The following DLGAP1 variants were observed in gnomAD, a reference collection of about 807,000 sequenced individuals.
DLGAP1 encodes the protein disks large-associated protein 1.
In DLGAP1, 11 loss-of-function variants were observed where a neutral mutation model predicts 90.8. The observed-to-expected ratio is 0.12, with a 90% confidence interval of 0.08 to 0.20. The LOEUF (loss-of-function observed/expected upper bound fraction) is 0.20. Ranked by LOEUF, DLGAP1 falls within the 10% of genes least tolerant of loss-of-function variation. The pLI, the probability that DLGAP1 is intolerant of heterozygous loss-of-function variation, is 1.00. For missense variants in DLGAP1, 1,050 were observed against 1,333.8 expected, an observed-to-expected ratio of 0.79 and a Z score of 3.31; for synonymous variants, 558 against 540.7, an observed-to-expected ratio of 1.03 and a Z score of -0.44.
chr18:4,097,252 G>A (rs2075698368), intron 2 of DLGAP1, among the ~76,000 whole-genome samples: 1 of 152,214 alleles, frequency 6.6e-6, no homozygotes, highest in Non-Finnish European at 1.5e-5. Context: ...GTGGGGATCT[G>A]ATTGTTTCCT....
At chr18:3,971,827 A>G (rs560726612) in intron 3 of DLGAP1, among the ~76,000 whole-genome samples, 2 of 152,290 alleles carry the variant, frequency 1.3e-5, no homozygotes, top group East Asian at 1.9e-4. Context: ...TCATTAAGCA[A>G]TCCATGGAGT....
At chr18:3,861,669 AG>A (rs1429944833) in intron 4 of DLGAP1, among the ~76,000 whole-genome samples, 1 of 152,134 alleles carries the variant, frequency 6.6e-6, no homozygotes, top group African/African-American at 2.4e-5. Flanking sequence ...CCCCATCCAA[AG>A]GTCTTTTTGA....
chr18:4,438,418 C>T (rs976424262), intron 1 of DLGAP1, among the ~76,000 whole-genome samples: 1 of 107,440 alleles, frequency 9.3e-6, no homozygotes, highest in Admixed American at 1.5e-4. Context: ...GGTGACAGAG[C>T]GAGACTCCAT....
In DLGAP1 at chr18:3,979,102, G is replaced by A. The variant is rs143866062; in HGVS notation, c.-73+26014C>T. On this transcript the variant is annotated intron_variant, in intron 3 of 12. Transcript: ENST00000315677. The stretch of plus-strand genomic sequence containing the variant: ...TTGCACAACATGGATGAACTTGGAT[G>A]ACATTATGCTAAATGAAATAAGCCA... Among the ~76,000 whole-genome samples the A allele has an allele frequency of 3.0e-3, 456 of 152,312 alleles. 2 individuals are homozygous for A. Among genetic ancestry groups the A allele is most frequent in the African/African-American group, 0.01 (426 of 41,556 alleles).
intron 1 of DLGAP1, among the ~76,000 whole-genome samples, chr18:4,277,362 G>A (rs1309785370): frequency 6.6e-6 from 1 of 152,194 alleles, no homozygotes; most frequent in Non-Finnish European, 1.5e-5. Flanking sequence ...ATGTGTGTGT[G>A]TGTGTAAGCT....
chr18:3,551,947 T>G (rs569736664), intron 9 of DLGAP1, among the ~76,000 whole-genome samples: 1 of 148,254 alleles, frequency 6.7e-6, no homozygotes, highest in East Asian at 2.0e-4. Context: ...CTTGGCTAAT[T>G]TATTTTTAAA....
chr18:4,121,333 G>C (rs2076149993), intron 2 of DLGAP1, among the ~76,000 whole-genome samples: 1 of 152,060 alleles, frequency 6.6e-6, no homozygotes, highest in Admixed American at 6.5e-5. Flanking sequence ...AGGATGAAGG[G>C]ACAAAGCATC....
At chr18:3,641,344 C>T (rs1297064206) in intron 7 of DLGAP1, among the ~76,000 whole-genome samples, 1 of 151,760 alleles carries the variant, frequency 6.6e-6, no homozygotes, top group African/African-American at 2.4e-5. Flanking sequence ...GGCTGGGAGC[C>T]TGACCAACAT....
intron 3 of DLGAP1, among the ~76,000 whole-genome samples, chr18:3,911,498 G>A (rs1177017462): frequency 6.6e-6 from 1 of 152,086 alleles, no homozygotes; most frequent in Non-Finnish European, 1.5e-5. Flanking sequence ...GTCAGTAGAT[G>A]GATTAGAACA....
At position 4,005,107 on chromosome 18, in the gene DLGAP1, A is replaced by G. The variant is rs2074276116; in HGVS notation, c.-73+9T>C. On this transcript the variant is annotated intron_variant, in intron 3 of 12. Transcript: ENST00000315677. ...ATTCTTCCCTTACTGCTTCCCAACC[A>G]TGACTTACTGTTCTTAGCGCCGTTG... The G allele has an allele frequency of 6.6e-6, 1 of 152,154 alleles. No individual in the cohort carries two copies. 9.4% of individuals were successfully genotyped at this position (152,154 alleles called of 1,614,324 possible).
At chr18:4,439,541 C>T (rs1260810689) in intron 1 of DLGAP1, among the ~76,000 whole-genome samples, 3 of 152,162 alleles carry the variant, frequency 2.0e-5, no homozygotes, top group African/African-American at 7.2e-5. Context: ...TGCAGTGGCT[C>T]ATGCCTGTAA....
At chr18:3,695,469 C>T (rs981509960) in intron 7 of DLGAP1, among the ~76,000 whole-genome samples, 3 of 152,158 alleles carry the variant, frequency 2.0e-5, no homozygotes, top group Non-Finnish European at 4.4e-5. Context: ...AATCCTTTCC[C>T]CATTGCTTGT....
chr18:3,680,662 A>G (rs1332918557), intron 7 of DLGAP1, among the ~76,000 whole-genome samples: 5 of 151,844 alleles, frequency 3.3e-5, no homozygotes, highest in Non-Finnish European at 7.4e-5. Context: ...GATGGCGGGC[A>G]CCTGTAGTCC....
chr18:4,318,438 A>C (rs1173411448), intron 1 of DLGAP1, among the ~76,000 whole-genome samples: 1 of 152,204 alleles, frequency 6.6e-6, no homozygotes, highest in Non-Finnish European at 1.5e-5. Flanking sequence ...ATGATATAAA[A>C]ATCAAAGACC....
chr18:4,317,578 T>C (rs1435281508), intron 1 of DLGAP1, among the ~76,000 whole-genome samples: 1 of 152,252 alleles, frequency 6.6e-6, no homozygotes, highest in Non-Finnish European at 1.5e-5. Flanking sequence ...GTACAGTCAC[T>C]CTTTCATGAA....
chr18:4,326,315 G>C (rs1394246997), intron 1 of DLGAP1, among the ~76,000 whole-genome samples: 1 of 152,122 alleles, frequency 6.6e-6, no homozygotes, highest in East Asian at 1.9e-4. Flanking sequence ...ACAGATGTCA[G>C]AATGTCTATT....
At chr18:3,535,072 CTGTGTGTGTGTGTGTGTGTGTG>C (rs111975324) in intron 9 of DLGAP1, among the ~76,000 whole-genome samples, 1 of 144,642 alleles carries the variant, frequency 6.9e-6, no homozygotes. Flanking sequence ...TCAATCTTCT[CTGTGTGTGTGTGTGTGTGTGTG>C]TGTGTGTGTG....
chr18:4,392,929 G>T lies in DLGAP1; in HGVS notation c.-267+62077C>A, dbSNP rs895136365. Among the ~76,000 whole-genome samples, 39 of 134,466 alleles carry T rather than the reference G, an allele frequency of 2.9e-4. 1 individual carries two copies. The highest frequency in any genetic ancestry group is 1.3e-3 in the African/African-American group (37 of 28,998). The allele number at this position is 134,466 out of a possible 152,430, so 88.2% of individuals were successfully genotyped here. A position where few individuals can be genotyped will look rare whatever the true frequency, so the allele number is the denominator to read the frequency against. On this transcript the variant is annotated intron_variant, in intron 1 of 12. Coordinates refer to ENST00000315677, the MANE Select transcript of DLGAP1 (RefSeq NM_004746.4). The stretch of plus-strand genomic sequence containing the variant: ...AACCAGAAATGTAAAAGTCATCTTT[G>T]TTCCCACCCTCATGCCTTATACGTA...
intron 9 of DLGAP1, among the ~76,000 whole-genome samples, chr18:3,561,592 A>C (rs998928702): frequency 2.7e-5 from 4 of 150,420 alleles, no homozygotes; most frequent in African/African-American, 1.0e-4. Flanking sequence ...AATAGTCTTT[A>C]TTTTTCTTTC....
Sources: allele counts gnomAD v4.1 joint callset (sites outside exome capture counted in the v4.1 genomes callset), GRCh38; gene constraint gnomAD v4.1.1; transcripts MANE v1.5; gene names NCBI Gene and HGNC (gene_info 2026-07-23, HGNC 2026-07-21).